ALK: variants seen among roughly 807,000 people sequenced by gnomAD.
ALK encodes ALK tyrosine kinase receptor.
In ALK, 74 loss-of-function variants were observed where a neutral mutation model predicts 163.1. That is an observed-to-expected ratio of 0.45 (90% CI 0.38 to 0.55). The LOEUF (loss-of-function observed/expected upper bound fraction) is 0.55. Ranked by LOEUF, ALK falls within the 20% of genes least tolerant of loss-of-function variation. The pLI is 0.00. For missense variants in ALK, 2,063 were observed against 2,105.3 expected (o/e 0.98, Z 0.39); for synonymous variants, 960 against 843.2 (o/e 1.14, Z -2.40).
intron 2 of ALK, among the ~76,000 whole-genome samples, chr2:29,704,130 A>G (rs2541203): frequency 0.88 from 133,259 of 151,944 alleles, 58,693 homozygotes; most frequent in African/African-American, 0.95. Flanking sequence ...AACATCATGC[A>G]TACACGGCAA....
chr2:29,465,380 A>G (rs1006874254), intron 4 of ALK, among the ~76,000 whole-genome samples: 7 of 152,196 alleles, frequency 4.6e-5, no homozygotes, highest in Non-Finnish European at 1.0e-4. Context: ...AAAATTCTAT[A>G]GGGACTTTCA....
chr2:29,805,126 C>A (rs553018452), intron 1 of ALK, among the ~76,000 whole-genome samples: 1 of 152,246 alleles, frequency 6.6e-6, no homozygotes, highest in Non-Finnish European at 1.5e-5. Flanking sequence ...TGTGAAACAA[C>A]TCATCACCTA....
At chr2:29,716,963 T>C (rs1679273900) in intron 2 of ALK, among the ~76,000 whole-genome samples, 1 of 107,148 alleles carries the variant, frequency 9.3e-6, no homozygotes, top group Non-Finnish European at 1.7e-5. Context: ...GCTAACACAG[T>C]AACACAGTCA....
At chr2:29,304,367 G>C (rs990818933) in intron 8 of ALK, among the ~76,000 whole-genome samples, 2 of 152,030 alleles carry the variant, frequency 1.3e-5, no homozygotes, top group African/African-American at 2.4e-5. Flanking sequence ...GTGGTGGCAG[G>C]TGCCTGTAGT....
chr2:29,833,904 G>T (rs1375422724), intron 1 of ALK, among the ~76,000 whole-genome samples: 1 of 152,134 alleles, frequency 6.6e-6, no homozygotes, highest in Non-Finnish European at 1.5e-5. Flanking sequence ...GATTACTCGA[G>T]ATCTCTTATA....
Position 29,920,276 on chromosome 2 carries a change from C to T in ALK, c.384G>A (p.Lys128=), listed in dbSNP as rs753267950. The part of the protein sequence containing the change: ...AEARTLSRVL[K]GGSVRKLRRA... ...GCCGGAGCTTGCGCACGGAGCCGCCCTTCAGCACCCTGGACAGCGTCCGGG... is the reference window on the plus strand; with the variant it reads ...GCCGGAGCTTGCGCACGGAGCCGCCTTTCAGCACCCTGGACAGCGTCCGGG... The change falls in exon 1 of 29, where the codon AAG becomes AAA. Residue 128 remains lysine (K), a synonymous_variant. Transcript: ENST00000389048. 7 of 1,588,814 alleles carry T rather than the reference C, an allele frequency of 4.4e-6. No individual in the cohort carries two copies. The East Asian group carries it at 1.4e-4, about 31-fold the overall frequency.
chr2:29,910,844 G>C (rs1259001918), intron 1 of ALK, among the ~76,000 whole-genome samples: 1 of 152,052 alleles, frequency 6.6e-6, no homozygotes, highest in Non-Finnish European at 1.5e-5. Context: ...AAAGGCTAAA[G>C]GAAAAAATTA....
chr2:29,264,011 G>A (rs1558644272), intron 11 of ALK, among the ~76,000 whole-genome samples: 2 of 152,232 alleles, frequency 1.3e-5, no homozygotes, highest in Non-Finnish European at 1.5e-5. Context: ...TCCTGCTGCT[G>A]TCTCTCAAAC....
At chr2:29,721,472 A>ACTCTCT (rs1232261444) in intron 1 of ALK, among the ~76,000 whole-genome samples, 1 of 151,992 alleles carries the variant, frequency 6.6e-6, no homozygotes, top group Non-Finnish European at 1.5e-5. Flanking sequence ...AACTCAGTTC[A>ACTCTCT]CTCTCTCTCT....
intron 3 of ALK, among the ~76,000 whole-genome samples, chr2:29,652,993 T>A (rs1002844398): frequency 2.0e-5 from 3 of 152,138 alleles, no homozygotes; most frequent in African/African-American, 7.2e-5. Flanking sequence ...TTGAAGCTGG[T>A]CAGGCAGAGG....
At chr2:29,682,232 C>G (rs996583854) in intron 3 of ALK, among the ~76,000 whole-genome samples, 1 of 152,082 alleles carries the variant, frequency 6.6e-6, no homozygotes, top group Non-Finnish European at 1.5e-5. Context: ...TAACAGACAG[C>G]AAAAATGAGA....
chr2:29,245,389 G>A, intron 12 of ALK, among the ~76,000 whole-genome samples: 1 of 132,812 alleles, frequency 7.5e-6, no homozygotes, highest in East Asian at 2.4e-4. Context: ...GCACACAGTA[G>A]GGGCTCCATG....
chr2:29,275,545 GTCTTAGGATTCAGCA>G (rs1326712763), intron 9 of ALK, 49 bp from the exon 10 acceptor site: 2 of 1,592,154 alleles, frequency 1.3e-6, no homozygotes, highest in Admixed American at 3.3e-5. Flanking sequence ...GGGGGGTCTT[GTCTTAGGATTCAGCA>G]TCCAGCAGGT....
intron 3 of ALK, 38 bp downstream of exon 3, chr2:29,694,812 T>C (rs2148289466): frequency 1.1e-5 from 17 of 1,612,272 alleles, no homozygotes; most frequent in Non-Finnish European, 1.3e-5. Context: ...AGCCTGGCCC[T>C]GACCCACCCA....
At chr2:29,336,638 C>T (rs1034171502) in intron 5 of ALK, among the ~76,000 whole-genome samples, 1 of 152,280 alleles carries the variant, frequency 6.6e-6, no homozygotes, top group African/African-American at 2.4e-5. Flanking sequence ...ATTATGCATT[C>T]GAAACAGAAA....
At chr2:29,582,133 G>T (rs1199087959) in intron 3 of ALK, among the ~76,000 whole-genome samples, 1 of 152,222 alleles carries the variant, frequency 6.6e-6, no homozygotes, top group African/African-American at 2.4e-5. Flanking sequence ...GTCTTCATGA[G>T]AAGGGAGATC....
At chr2:29,676,525 C>T (rs1677878038) in intron 3 of ALK, among the ~76,000 whole-genome samples, 1 of 151,974 alleles carries the variant, frequency 6.6e-6, no homozygotes. Flanking sequence ...ATATAAGCCT[C>T]TCCTTTCTTT....
At position 29,327,515 on chromosome 2, in the gene ALK, A is replaced by G. The variant is rs138626815; in HGVS notation, c.1414+835T>C. On this transcript the variant is annotated intron_variant, in intron 6 of 28. Coordinates refer to ENST00000389048, the MANE Select transcript of ALK (RefSeq NM_004304.5). ...GGATGCTAAATGCCCAGAATAGGCA[A>G]ATCTATAGAAACAAAGATTAGTGGT... Among the ~76,000 whole-genome samples, 713 of 152,324 alleles carry G rather than the reference A, an allele frequency of 4.7e-3. 8 individuals carry two copies. The highest frequency in any genetic ancestry group is 0.015 in the African/African-American group (636 of 41,576).
intron 4 of ALK, among the ~76,000 whole-genome samples, chr2:29,448,517 G>C (rs192216042): frequency 6.6e-6 from 1 of 152,158 alleles, no homozygotes; most frequent in Non-Finnish European, 1.5e-5. Flanking sequence ...CATTTGCACA[G>C]GTTGGGAAAT....
Sources: gnomAD v4.1 joint callset for allele counts (sites outside exome capture counted in the v4.1 genomes callset) on GRCh38, gnomAD v4.1.1 for gene constraint, MANE v1.5 for transcripts, NCBI Gene and HGNC (gene_info 2026-07-23, HGNC 2026-07-21) for gene names.